Variants in TNR observed in about 807,000 individuals in gnomAD.
The protein encoded by TNR is tenascin-R.
In TNR, 45 loss-of-function variants were observed where a neutral mutation model predicts 150.4. The ratio of observed to expected loss-of-function variants is 0.30; its 90% confidence interval spans 0.24 to 0.38. The LOEUF is 0.38. Among genes scored for constraint, TNR ranks in the 10% least tolerant of loss-of-function variants. TNR has a pLI of 1.00. For missense variants in TNR, 1,544 were observed against 1,759.1 expected, an observed-to-expected ratio of 0.88 and a Z score of 2.19; for synonymous variants, 687 against 678.4, an observed-to-expected ratio of 1.01 and a Z score of -0.20.
intron 1 of TNR, among the ~76,000 whole-genome samples, chr1:175,642,408 G>C (rs1408157921): frequency 6.6e-6 from 1 of 152,170 alleles, no homozygotes; most frequent in Non-Finnish European, 1.5e-5. Context: ...GATTCTTCTG[G>C]AGAAGAACCC....
intron 2 of TNR, among the ~76,000 whole-genome samples, chr1:175,455,486 A>G (rs916187893): frequency 3.3e-5 from 5 of 152,246 alleles, no homozygotes; most frequent in Non-Finnish European, 5.9e-5. Flanking sequence ...TAGCAGTAGG[A>G]GCAGGCATGC....
chr1:175,597,654 G>T (rs1450011869), intron 1 of TNR, among the ~76,000 whole-genome samples: 1 of 152,166 alleles, frequency 6.6e-6, no homozygotes, highest in Non-Finnish European at 1.5e-5. Context: ...AGGCCTATTG[G>T]TTTGGAATAT....
intron 1 of TNR, among the ~76,000 whole-genome samples, chr1:175,717,774 A>G (rs1024367365): frequency 1.3e-5 from 2 of 152,192 alleles, no homozygotes; most frequent in African/African-American, 4.8e-5. Flanking sequence ...CCCTTTTGTC[A>G]GGTATCAAAA....
chr1:175,324,432 T>C lies in TNR; in HGVS notation c.3881A>G (p.Tyr1294Cys). ...DVAVTNCAMS[Y>C]KGAWWYKNCH... is the part of the protein sequence containing the mutation. ...GTTCTTATACCACCATGCTCCCTTG[T>C]ACGACATGGCACAGTTAGTCACTGC... is the stretch of plus-strand genomic sequence containing the variant. The change falls in exon 22 of 23, where the codon TAC (tyrosine) becomes TGC (cysteine). Residue 1294 changes from tyrosine to cysteine, a missense_variant. By Grantham distance (194) the Tyr-to-Cys change is radical. Coordinates refer to ENST00000367674, the MANE Select transcript of TNR (RefSeq NM_003285.3). 1 of 1,614,168 alleles carries C rather than the reference T, an allele frequency of 6.2e-7. No individual in the cohort carries two copies. The highest frequency in any genetic ancestry group is 1.1e-5 in the South Asian group (1 of 91,086).
rs78023138 is a variant in TNR at position 175,451,589 on chromosome 1, T to A, written c.-63-44812A>T. ...GGATTTTGTCACTGTGGGACTAGGA[T>A]TGGGGAGACACTTTTGGATACGCCG... On this transcript the variant is annotated intron_variant, in intron 2 of 22. Coordinates refer to ENST00000367674, the MANE Select transcript of TNR (RefSeq NM_003285.3). Among the ~76,000 whole-genome samples the A allele has an allele frequency of 2.0e-5, 3 of 152,104 alleles. No individual in the cohort carries two copies. The South Asian group carries it at 6.2e-4, about 32-fold the overall frequency.
chr1:175,702,636 G>A (rs1424746525), intron 1 of TNR, among the ~76,000 whole-genome samples: 1 of 152,194 alleles, frequency 6.6e-6, no homozygotes, highest in African/African-American at 2.4e-5. Flanking sequence ...TGTATACAGA[G>A]CAGTTACCAA....
intron 1 of TNR, among the ~76,000 whole-genome samples, chr1:175,649,621 A>G (rs910431635): frequency 1.3e-5 from 2 of 152,070 alleles, no homozygotes; most frequent in Non-Finnish European, 2.9e-5. Context: ...TTCCACTGCT[A>G]CCTTCACCCA....
chr1:175,677,745 A>C (rs2101907694), intron 1 of TNR, among the ~76,000 whole-genome samples: 1 of 152,326 alleles, frequency 6.6e-6, no homozygotes, highest in Middle Eastern at 3.4e-3. Context: ...ACCTTAGCCA[A>C]GGCAGTACAC....
At position 175,536,525 on chromosome 1, in the gene TNR, G is replaced by A. The variant is rs532070395; in HGVS notation, c.-164-8156C>T. On this transcript the variant is annotated intron_variant, in intron 1 of 22. Transcript: ENST00000367674. The stretch of plus-strand genomic sequence containing the variant: ...GCTCAAGGTCACTGAACTTCCAAGT[G>A]GCAGAGCTGAAATGAGAGCTCAGGC... Among the ~76,000 whole-genome samples, 4 of 152,342 alleles carry A rather than the reference G, an allele frequency of 2.6e-5. No individual in the cohort carries two copies. The East Asian group carries it at 7.7e-4, about 29-fold the overall frequency.
intron 22 of TNR, 36 bp from the exon 23 acceptor site, chr1:175,323,512 C>T: frequency 1.2e-6 from 2 of 1,605,852 alleles, no homozygotes; most frequent in African/African-American, 1.3e-5. Context: ...CAGGTCATCC[C>T]CCACCATGGA....
intron 1 of TNR, among the ~76,000 whole-genome samples, chr1:175,721,410 G>A (rs1375328957): frequency 6.6e-6 from 1 of 152,142 alleles, no homozygotes; most frequent in African/African-American, 2.4e-5. Context: ...GTGTGGGCAT[G>A]CCGAGTTGTG....
chr1:175,690,651 AG>A (rs1666333654), intron 1 of TNR, among the ~76,000 whole-genome samples: 1 of 152,238 alleles, frequency 6.6e-6, no homozygotes, highest in Non-Finnish European at 1.5e-5. Flanking sequence ...CTTAAGTGCC[AG>A]GGGGAGCCAT....
intron 1 of TNR, among the ~76,000 whole-genome samples, chr1:175,575,491 C>T (rs1198672185): frequency 2.6e-5 from 4 of 152,128 alleles, no homozygotes; most frequent in African/African-American, 9.7e-5. Flanking sequence ...GCCTGGTTGA[C>T]GAACACATGA....
intron 1 of TNR, among the ~76,000 whole-genome samples, chr1:175,727,517 G>A (rs1013768671): frequency 6.6e-6 from 1 of 152,190 alleles, no homozygotes; most frequent in African/African-American, 2.4e-5. Flanking sequence ...CTGAGAAATA[G>A]GGTGGAAACT....
At chr1:175,402,167 C>T (rs1230049465) in intron 4 of TNR, among the ~76,000 whole-genome samples, 3 of 151,316 alleles carry the variant, frequency 2.0e-5, no homozygotes, top group Non-Finnish European at 4.4e-5. Flanking sequence ...ATTAGCCGGG[C>T]GCGGTGGTGG....
At chr1:175,525,235 G>A (rs559426874) in intron 2 of TNR, among the ~76,000 whole-genome samples, 4 of 152,280 alleles carry the variant, frequency 2.6e-5, no homozygotes, top group African/African-American at 9.6e-5. Flanking sequence ...ATGATTGTAA[G>A]TTTCCTGAGG....
At chr1:175,377,163 G>A (rs993766083) in intron 9 of TNR, among the ~76,000 whole-genome samples, 5 of 152,084 alleles carry the variant, frequency 3.3e-5, no homozygotes, top group African/African-American at 7.2e-5. Context: ...TGTAAAATGG[G>A]AATGCTAACC....
At chr1:175,536,567 G>A (rs1232129191) in intron 1 of TNR, among the ~76,000 whole-genome samples, 1 of 152,210 alleles carries the variant, frequency 6.6e-6, no homozygotes, top group Non-Finnish European at 1.5e-5. Context: ...GATCCAGATG[G>A]CCTCCTTTGT....
chr1:175,392,207 T>C (rs1653206505), intron 6 of TNR, among the ~76,000 whole-genome samples: 1 of 152,216 alleles, frequency 6.6e-6, no homozygotes, highest in Non-Finnish European at 1.5e-5. Context: ...TCCCTCTCTC[T>C]CTTTCCCTCC....
Sources: gnomAD v4.1 joint callset for allele counts (sites outside exome capture counted in the v4.1 genomes callset) on GRCh38, gnomAD v4.1.1 for gene constraint, MANE v1.5 for transcripts, NCBI Gene and HGNC (gene_info 2026-07-23, HGNC 2026-07-21) for gene names.